The following CRADD variants were observed in gnomAD, a reference collection of about 807,000 sequenced individuals.
CRADD encodes CARD and death domain containing adaptor protein.
Under a neutral mutation model 15.5 loss-of-function variants are expected in CRADD, and 9 were observed. The ratio of observed to expected loss-of-function variants is 0.58; its 90% CI spans 0.35 to 1.01. CRADD has a LOEUF of 1.01. Among genes scored for constraint, CRADD ranks in the 50% least tolerant of loss-of-function variants. The pLI is 0.02. For missense variants in CRADD, 227 were observed against 250.3 expected (o/e 0.91, Z 0.63); for synonymous variants, 118 against 107.6 (o/e 1.10, Z -0.60).
At chr12:93,814,897 A>AT (rs1399001473) in intron 2 of CRADD, among the ~76,000 whole-genome samples, 3 of 152,218 alleles carry the variant, frequency 2.0e-5, no homozygotes, top group Non-Finnish European at 4.4e-5. Context: ...TCTAATATCA[A>AT]TTTTTTGTAT....
At chr12:93,726,094 G>GTTTTTTTTTTTTTTTTTTTTTTTTTT (rs1165429350) in intron 2 of CRADD, among the ~76,000 whole-genome samples, 4 of 96,010 alleles carry the variant, frequency 4.2e-5, no homozygotes, top group African/African-American at 7.3e-5. Flanking sequence ...AAATAGTTTA[G>GTTTTTTTTTTTTTTTTTTTTTTTTTT]TTTTTTTTTT....
At chr12:93,822,208 C>G (rs1957777090) in intron 2 of CRADD, among the ~76,000 whole-genome samples, 1 of 152,040 alleles carries the variant, frequency 6.6e-6, no homozygotes, top group Non-Finnish European at 1.5e-5. Context: ...CCCATCCTAC[C>G]CTGCCACTCC....
intron 2 of CRADD, among the ~76,000 whole-genome samples, chr12:93,789,624 G>A (rs561008411): frequency 6.6e-6 from 1 of 152,278 alleles, no homozygotes; most frequent in African/African-American, 2.4e-5. Flanking sequence ...TGACAAAGGG[G>A]CAGGCAGAGA....
intron 2 of CRADD, among the ~76,000 whole-genome samples, chr12:93,801,459 T>C (rs1448979657): frequency 6.6e-6 from 1 of 152,168 alleles, no homozygotes; most frequent in Non-Finnish European, 1.5e-5. Flanking sequence ...AGTGCAGTGG[T>C]ATGATCTCAG....
chr12:93,883,716 C>T (rs2137074731), intron 2 of CRADD, among the ~76,000 whole-genome samples: 1 of 152,222 alleles, frequency 6.6e-6, no homozygotes, highest in South Asian at 2.1e-4. Context: ...GCCTGTAGTC[C>T]TAGCTACTTG....
rs1282866976 is a variant in CRADD at position 93,850,358 on chromosome 12, G to C, written c.*87G>C. The C allele has an allele frequency of 6.8e-7, 1 of 1,473,328 alleles. No homozygotes were observed. The highest frequency in any genetic ancestry group is 8.9e-7 in the Non-Finnish European group (1 of 1,118,336). 91.3% of individuals were successfully genotyped at this position (1,473,328 alleles called of 1,614,324 possible). On this transcript the variant is annotated 3_prime_UTR_variant, in exon 3 of 3. Coordinates refer to ENST00000332896, the MANE Select transcript of CRADD (RefSeq NM_003805.5). The surrounding 1 kb of genome is among the most constrained non-coding windows in gnomAD (Gnocchi z 4.0). ...TCACTCAGAGCAGGTGGTTTTTTGT[G>C]TAGGTTTGTTTTTTATTTTTGATGA... is the stretch of plus-strand genomic sequence containing the variant.
chr12:93,855,190 C>A (rs1458892321), downstream of CRADD, among the ~76,000 whole-genome samples: 1 of 151,788 alleles, frequency 6.6e-6, no homozygotes, highest in African/African-American at 2.4e-5. Context: ...AAAACTCCGT[C>A]TTAAAAAAAA....
At chr12:93,780,545 A>G (rs927300864) in intron 2 of CRADD, among the ~76,000 whole-genome samples, 1 of 151,862 alleles carries the variant, frequency 6.6e-6, no homozygotes, top group Admixed American at 6.6e-5. Context: ...TTTTCACTGG[A>G]CTCCCTGATT....
intron 2 of CRADD, among the ~76,000 whole-genome samples, chr12:93,681,465 TG>T (rs1390371201): frequency 2.0e-5 from 3 of 152,206 alleles, no homozygotes; most frequent in Non-Finnish European, 4.4e-5. Flanking sequence ...ACACTGCTAT[TG>T]AAAAAAACAT....
chr12:93,776,076 TTTATC>T (rs1474075498), intron 2 of CRADD, among the ~76,000 whole-genome samples: 1 of 152,194 alleles, frequency 6.6e-6, no homozygotes, highest in East Asian at 1.9e-4. Context: ...TATATCCTCT[TTTATC>T]TGAGAGAACC....
At chr12:93,703,343 CTTTCTT>C (rs1392872054) in intron 2 of CRADD, among the ~76,000 whole-genome samples, 1 of 150,240 alleles carries the variant, frequency 6.7e-6, no homozygotes, top group African/African-American at 2.5e-5. Flanking sequence ...GGCAAGTTTA[CTTTCTT>C]TTTCTTTTTC....
intron 2 of CRADD, among the ~76,000 whole-genome samples, chr12:93,697,988 G>A (rs879147903): frequency 3.9e-5 from 6 of 152,262 alleles, no homozygotes; most frequent in Admixed American, 2.6e-4. Context: ...TGCATCTTCC[G>A]AAATAAGGAT....
At chr12:93,784,584 C>A (rs1957254309) in intron 2 of CRADD, among the ~76,000 whole-genome samples, 1 of 151,998 alleles carries the variant, frequency 6.6e-6, no homozygotes. Context: ...TTTCAGAGCA[C>A]CTTAAAACCC....
intron 2 of CRADD, among the ~76,000 whole-genome samples, chr12:93,881,765 T>C (rs1463693991): frequency 6.6e-6 from 1 of 152,250 alleles, no homozygotes; most frequent in African/African-American, 2.4e-5. Flanking sequence ...TCTGATAAAG[T>C]GTCTCCCTTG....
chr12:93,796,124 GT>G (rs568728270), intron 2 of CRADD, among the ~76,000 whole-genome samples: 1 of 150,182 alleles, frequency 6.7e-6, no homozygotes, highest in African/African-American at 2.4e-5. Flanking sequence ...GATAAGTTTG[GT>G]TTTTTTTTCA....
chr12:93,827,961 A>G (rs1324930111), intron 2 of CRADD, among the ~76,000 whole-genome samples: 1 of 152,198 alleles, frequency 6.6e-6, no homozygotes, highest in African/African-American at 2.4e-5. Context: ...TAGATACCTC[A>G]AATAAGTGGA....
chr12:93,816,377 T>A (rs1443585070), intron 2 of CRADD, among the ~76,000 whole-genome samples: 1 of 134,852 alleles, frequency 7.4e-6, no homozygotes, highest in Non-Finnish European at 1.6e-5. Flanking sequence ...CCGTGATGCC[T>A]GGCTAATTTT....
At chr12:93,690,142 C>A (rs1955534049) in intron 2 of CRADD, among the ~76,000 whole-genome samples, 2 of 152,296 alleles carry the variant, frequency 1.3e-5, no homozygotes, top group East Asian at 1.9e-4. Context: ...CATCTTCAAT[C>A]AAGTTTCTAC....
intron 2 of CRADD, among the ~76,000 whole-genome samples, chr12:93,738,898 T>C (rs534394007): frequency 6.6e-6 from 1 of 152,272 alleles, no homozygotes; most frequent in East Asian, 1.9e-4. Context: ...AAGAAAGTCC[T>C]CTTGTTGGTG....
Sources: gnomAD v4.1 joint callset for allele counts (sites outside exome capture counted in the v4.1 genomes callset) on GRCh38, gnomAD v4.1.1 for gene constraint, Gnocchi (gnomAD v3.1) non-coding constraint, MANE v1.5 for transcripts, NCBI Gene and HGNC (gene_info 2026-07-23, HGNC 2026-07-21) for gene names.